INPP4A: variants seen among roughly 807,000 people sequenced by gnomAD.
INPP4A encodes the protein inositol polyphosphate-4-phosphatase type I A, also known as inositol polyphosphate-4-phosphatase, type I, 107kD.
In INPP4A, 33 loss-of-function variants were observed where a neutral mutation model predicts 119.8. The observed-to-expected ratio is 0.28, with a 90% CI of 0.21 to 0.37. INPP4A has a LOEUF of 0.37. Ranked by LOEUF, INPP4A falls within the 10% of genes least tolerant of loss-of-function variation. INPP4A has a pLI of 1.00. For synonymous variants in INPP4A, 496 were observed against 500.7 expected, an observed-to-expected ratio of 0.99 and a Z score of 0.12; for missense variants, 956 against 1,289.9, an observed-to-expected ratio of 0.74 and a Z score of 3.97.
intron 8 of INPP4A, 62 bp from the exon 9 acceptor site, chr2:98,538,829 T>G: frequency 1.1e-6 from 1 of 936,788 alleles, no homozygotes; most frequent in Admixed American, 1.9e-5. Context: ...CTGTTTCTGC[T>G]GAATGTTCTG....
chr2:98,482,315 C>T (rs992710613), intron 1 of INPP4A, among the ~76,000 whole-genome samples: 9 of 152,214 alleles, frequency 5.9e-5, no homozygotes, highest in African/African-American at 2.2e-4. Context: ...CCTAGAGGGA[C>T]AGCAGGTTAA....
intron 16 of INPP4A, among the ~76,000 whole-genome samples, chr2:98,558,090 G>A (rs1694817534): frequency 6.6e-6 from 1 of 152,194 alleles, no homozygotes; most frequent in South Asian, 2.1e-4. Flanking sequence ...TCAACTCCAT[G>A]ACCTAAGACA....
chr2:98,515,968 A>G (rs1686051178), intron 1 of INPP4A, among the ~76,000 whole-genome samples: 2 of 152,166 alleles, frequency 1.3e-5, no homozygotes. Context: ...GCGCAGAGTG[A>G]GGAATGGGAG....
chr2:98,508,107 C>T (rs1684432849), intron 1 of INPP4A, among the ~76,000 whole-genome samples: 1 of 152,168 alleles, frequency 6.6e-6, no homozygotes. Context: ...GCTGCAGCCA[C>T]ACCTCTCCTG....
intron 1 of INPP4A, among the ~76,000 whole-genome samples, chr2:98,495,583 G>A (rs1386384479): frequency 6.6e-6 from 1 of 152,248 alleles, no homozygotes; most frequent in Non-Finnish European, 1.5e-5. Flanking sequence ...ATCAGTACAT[G>A]TAAGATGTAT....
intron 2 of INPP4A, 79 bp downstream of exon 2, chr2:98,519,104 T>C (rs1196013387): frequency 6.6e-6 from 1 of 152,218 alleles, no homozygotes; most frequent in Non-Finnish European, 1.5e-5. Context: ...TTTGAGAAGA[T>C]CAGGGCTGTC....
rs982920366 is a variant in INPP4A, at chr2:98,589,775, G to C, written c.*2167G>C. The C allele has an allele frequency of 5.4e-6, 1 of 184,294 alleles. No individual in the cohort carries two copies. The highest frequency in any genetic ancestry group is 2.0e-4 in the South Asian group (1 of 5,098). 11.4% of individuals were successfully genotyped at this position (184,294 alleles called of 1,614,324 possible). A position where few individuals can be genotyped will look rare whatever the true frequency, so the allele number is the denominator to read the frequency against. On this transcript the variant is annotated 3_prime_UTR_variant, in exon 25 of 25. Coordinates refer to ENST00000409851, the MANE Select transcript of INPP4A (RefSeq NM_001134225.2). The stretch of plus-strand genomic sequence containing the variant: ...AGCTTTGGGTTTTCAGAGGTGCAGG[G>C]AAGGCAGTTTTACAGGTTACCGTAA...
chr2:98,469,284 G>A (rs1232114208), intron 1 of INPP4A, among the ~76,000 whole-genome samples: 1 of 152,068 alleles, frequency 6.6e-6, no homozygotes, highest in East Asian at 1.9e-4. Context: ...AGATCACGAG[G>A]TCAGGAGTTC....
At chr2:98,552,292 T>C (rs1693672066) in intron 13 of INPP4A, among the ~76,000 whole-genome samples, 1 of 152,212 alleles carries the variant, frequency 6.6e-6, no homozygotes, top group African/African-American at 2.4e-5. Context: ...CACAGGGAGC[T>C]TGAATGCCTG....
At chr2:98,583,703 C>CT (rs1191861298) in intron 24 of INPP4A, among the ~76,000 whole-genome samples, 4 of 152,142 alleles carry the variant, frequency 2.6e-5, no homozygotes, top group Non-Finnish European at 2.9e-5. Flanking sequence ...TTTCCAGAAA[C>CT]TTGACACCCA....
chr2:98,504,636 T>C (rs916791553), intron 1 of INPP4A, among the ~76,000 whole-genome samples: 2 of 152,242 alleles, frequency 1.3e-5, no homozygotes, highest in Admixed American at 1.3e-4. Context: ...TCTGTGATGG[T>C]TGCTTCACAT....
chr2:98,525,144 A>G (rs1687949724), intron 4 of INPP4A, among the ~76,000 whole-genome samples: 1 of 151,614 alleles, frequency 6.6e-6, no homozygotes, highest in Non-Finnish European at 1.5e-5. Context: ...AAATTTTAGG[A>G]CTCCATTTTT....
rs563487717 is a variant in INPP4A, at chr2:98,546,967, A to G, written c.1163+273A>G. ...AAGTGGTGCTCCAGGCAACCGCCCT[A>G]TGTAGACTCTGCTGGCTTGGCATCC... On this transcript the variant is annotated intron_variant, in intron 13 of 24. Coordinates refer to ENST00000409851, the MANE Select transcript of INPP4A (RefSeq NM_001134225.2). This position sits in a 1 kb window ranked among gnomAD's most constrained non-coding sequence, Gnocchi z 4.2. 2.1e-4 allele frequency among the ~76,000 whole-genome samples: 32 copies of G among 152,296 alleles called. No individual in the cohort carries two copies. The highest frequency in any genetic ancestry group is 3.4e-3 in the Middle Eastern group (1 of 294).
At chr2:98,457,785 G>A (rs1223153408) in intron 1 of INPP4A, among the ~76,000 whole-genome samples, 1 of 152,078 alleles carries the variant, frequency 6.6e-6, no homozygotes, top group East Asian at 1.9e-4. Context: ...GACTATATTA[G>A]GGAGAAACTC....
At chr2:98,526,551 A>G (rs762898492) in intron 4 of INPP4A, among the ~76,000 whole-genome samples, 25 of 152,336 alleles carry the variant, frequency 1.6e-4, no homozygotes, top group Non-Finnish European at 3.2e-4. Context: ...TATAAAGGCA[A>G]TGAGTATACT....
In INPP4A at chr2:98,591,185, G is replaced by C. The variant is rs1429334696; in HGVS notation, c.*3577G>C. 5.6e-6 allele frequency: 1 copy of C among 178,446 alleles called. No individual in the cohort carries two copies. Among genetic ancestry groups the C allele is most frequent in the South Asian group, 2.0e-4 (1 of 5,042 alleles). 11.1% of individuals were successfully genotyped at this position (178,446 alleles called of 1,614,324 possible). ...GAGTCCTGGCTTCACCATGGAAGGT[G>C]GGACATATGGGACAGCCATGTCCTT... On this transcript the variant is annotated 3_prime_UTR_variant, in exon 25 of 25. Transcript: ENST00000409851.
intron 1 of INPP4A, among the ~76,000 whole-genome samples, chr2:98,496,809 A>G (rs1407608251): frequency 1.3e-5 from 2 of 152,210 alleles, no homozygotes; most frequent in Non-Finnish European, 2.9e-5. Flanking sequence ...TTAAGGAAAC[A>G]GCTGTAAAGT....
Position 98,537,265 on chromosome 2 carries a change from T to C in INPP4A, c.468-598T>C, listed in dbSNP as rs77248575. Among the ~76,000 whole-genome samples, 223 of 152,316 alleles carry C rather than the reference T, an allele frequency of 1.5e-3. 4 individuals are homozygous for C. In the East Asian group the frequency reaches 0.041, roughly 28 times the overall value. ...CTGAAGTTCCAGGGTGTCCCCAGGT[T>C]CCCTGGATGAATCAGATGAGCCCAG... On this transcript the variant is annotated intron_variant, in intron 7 of 24. Coordinates refer to ENST00000409851, the MANE Select transcript of INPP4A (RefSeq NM_001134225.2).
chr2:98,555,563 G>A lies in INPP4A; in HGVS notation c.1577G>A (p.Trp526Ter), dbSNP rs1473289811. The A allele has an allele frequency of 6.2e-7, 1 of 1,600,742 alleles. No homozygotes were observed. The highest frequency in any genetic ancestry group is 8.5e-7 in the Non-Finnish European group (1 of 1,170,296). Residue 526 changes from tryptophan (W) to a stop codon, truncating the protein, a stop_gained, in exon 16 of 25, where the codon TGG becomes TAG. Coordinates refer to ENST00000409851, the MANE Select transcript of INPP4A (RefSeq NM_001134225.2). LOFTEE classifies it high-confidence loss of function. ...CCTTTGATTTGGAAGGAGAAAGTGT[G>A]GCTGAACGTGGACAAGAGCCTAGAG... ...DWHEEEWEKV[W>*]LNVDKSLECI...
Sources: allele counts gnomAD v4.1 joint callset (sites outside exome capture counted in the v4.1 genomes callset), GRCh38; gene constraint gnomAD v4.1.1; non-coding constraint Gnocchi (gnomAD v3.1); transcripts MANE v1.5; gene names NCBI Gene and HGNC (gene_info 2026-07-23, HGNC 2026-07-21).